MRC1: variants seen among roughly 807,000 people sequenced by gnomAD.
The protein encoded by MRC1 is macrophage mannose receptor 1.
MRC1 carries 62 observed loss-of-function variants against 102.9 expected under a neutral mutation model. That is an observed-to-expected ratio of 0.60 (90% CI 0.49 to 0.74). The LOEUF (loss-of-function observed/expected upper bound fraction) is 0.74, where lower values mean the gene tolerates loss of function less well. Among genes scored for constraint, MRC1 ranks in the 30% least tolerant of loss-of-function variants. The pLI is 0.00. For missense variants in MRC1, 1,237 were observed against 862.8 expected (o/e 1.43, Z -5.43); for synonymous variants, 457 against 298.4 (o/e 1.53, Z -5.48).
chr10:17,864,416 C>T (rs1386584422), intron 11 of MRC1, among the ~76,000 whole-genome samples: 2 of 152,144 alleles, frequency 1.3e-5, no homozygotes, highest in African/African-American at 4.8e-5. Flanking sequence ...GGACATTGCT[C>T]ATGCGGAACT....
At chr10:17,903,409 T>TTTTTTTTTTTTTTTTTTTTTTTTTTTC in intron 26 of MRC1, among the ~76,000 whole-genome samples, 1 of 143,194 alleles carries the variant, frequency 7.0e-6, no homozygotes, top group Admixed American at 7.0e-5. Flanking sequence ...TTTTTTTTTT[T>TTTTTTTTTTTTTTTTTTTTTTTTTTTC]TTTTGAGACA....
intron 17 of MRC1, among the ~76,000 whole-genome samples, chr10:17,876,054 A>G (rs1281994837): frequency 6.6e-6 from 1 of 152,150 alleles, no homozygotes; most frequent in Non-Finnish European, 1.5e-5. Context: ...TCATTGATTT[A>G]AGGATGGAAC....
chr10:17,854,565 G>A (rs1833049742), intron 8 of MRC1, among the ~76,000 whole-genome samples: 1 of 151,848 alleles, frequency 6.6e-6, no homozygotes, highest in Non-Finnish European at 1.5e-5. Context: ...GTCTCGGAGG[G>A]GTAAAACCAA....
chr10:17,847,302 GTGC>G (rs1838840548), intron 6 of MRC1, among the ~76,000 whole-genome samples: 1 of 152,132 alleles, frequency 6.6e-6, no homozygotes, highest in Admixed American at 6.5e-5. Context: ...TAACCTGCCG[GTGC>G]TGGGATCCTC....
At chr10:17,816,436 G>A (rs1838313810) in intron 1 of MRC1, among the ~76,000 whole-genome samples, 1 of 152,154 alleles carries the variant, frequency 6.6e-6, no homozygotes, top group South Asian at 2.1e-4. Flanking sequence ...AGCTCTGGGC[G>A]ACGGTGTGGA....
At chr10:17,858,081 G>A (rs1443830637) in intron 9 of MRC1, among the ~76,000 whole-genome samples, 2 of 152,114 alleles carry the variant, frequency 1.3e-5, no homozygotes, top group African/African-American at 4.8e-5. Context: ...AAAATAAAAT[G>A]TGTTTTAAAA....
Position 17,852,930 on chromosome 10 carries a change from C to A in MRC1, c.1250-37C>A, listed in dbSNP as rs1838938625. On this transcript the variant is annotated intron_variant, in intron 7 of 29. Coordinates refer to ENST00000569591, the MANE Select transcript of MRC1 (RefSeq NM_002438.4). ...TTACCCCCCGACCTTTGGAAAGCAA[C>A]CCTTGTATATACCACTGTGTGTTTC... 2.0e-5 allele frequency: 16 copies of A among 780,628 alleles called. No individual in the cohort carries two copies. The South Asian group carries it at 2.1e-4, about 10-fold the overall frequency. 48.4% of individuals were successfully genotyped at this position (780,628 alleles called of 1,614,324 possible). A position where few individuals can be genotyped will look rare whatever the true frequency, so the allele number is the denominator to read the frequency against.
intron 4 of MRC1, among the ~76,000 whole-genome samples, chr10:17,840,088 G>A (rs992622721): frequency 6.9e-6 from 1 of 145,480 alleles, no homozygotes; most frequent in Admixed American, 6.8e-5. Context: ...AAAAAAGAGC[G>A]GTAATAATAG....
intron 17 of MRC1, among the ~76,000 whole-genome samples, chr10:17,877,045 A>G (rs1318954197): frequency 1.3e-5 from 2 of 150,862 alleles, no homozygotes; most frequent in African/African-American, 4.9e-5. Context: ...AACTCTCAAG[A>G]TGTTTTCTAA....
At chr10:17,851,588 C>A (rs1050133834) in intron 7 of MRC1, among the ~76,000 whole-genome samples, 36 of 152,210 alleles carry the variant, frequency 2.4e-4, no homozygotes, top group African/African-American at 8.4e-4. Flanking sequence ...ATTGAAGAAG[C>A]TATGGGGGAG....
In MRC1 at chr10:17,901,931, A is replaced by C. The variant is rs1165986823; in HGVS notation, c.3650-42A>C. 1.3e-5 allele frequency: 10 copies of C among 780,640 alleles called. No homozygotes were observed. In the Admixed American group the frequency reaches 1.7e-4, roughly 13 times the overall value. The allele number at this position is 780,640 out of a possible 1,614,324, so 48.4% of individuals were successfully genotyped here. A position where few individuals can be genotyped will look rare whatever the true frequency, so the allele number is the denominator to read the frequency against. ...ATGTATGATGCTACACACTACAGAA[A>C]CTTCAGGTTTTGCTTTATTTAAAAT... On this transcript the variant is annotated intron_variant, in intron 25 of 29. Transcript: ENST00000569591.
At chr10:17,903,148 A>G (rs1833851013) in intron 26 of MRC1, among the ~76,000 whole-genome samples, 1 of 152,088 alleles carries the variant, frequency 6.6e-6, no homozygotes, top group African/African-American at 2.4e-5. Context: ...TTTAGACAGC[A>G]CATAGTTGGA....
At chr10:17,858,496 C>A (rs915714047) in intron 9 of MRC1, among the ~76,000 whole-genome samples, 1 of 151,326 alleles carries the variant, frequency 6.6e-6, no homozygotes, top group Non-Finnish European at 1.5e-5. Context: ...TGGTGTGATT[C>A]TTTTTTTTTG....
At chr10:17,862,254 A>G (rs1338162127) in intron 10 of MRC1, among the ~76,000 whole-genome samples, 1 of 152,214 alleles carries the variant, frequency 6.6e-6, no homozygotes, top group Non-Finnish European at 1.5e-5. Flanking sequence ...GAGAGATGTC[A>G]TAACATTTCA....
intron 8 of MRC1, among the ~76,000 whole-genome samples, chr10:17,855,474 G>A (rs1833073267): frequency 6.7e-6 from 1 of 149,448 alleles, no homozygotes. Flanking sequence ...AGGAGGCTGA[G>A]GCAGGAAAAT....
intron 28 of MRC1, among the ~76,000 whole-genome samples, chr10:17,908,273 T>G (rs971550176): frequency 7.2e-5 from 11 of 152,268 alleles, no homozygotes; most frequent in Admixed American, 1.3e-4. Flanking sequence ...TAATAGAGGT[T>G]TTTTGTTTGT....
intron 2 of MRC1, among the ~76,000 whole-genome samples, chr10:17,825,892 C>T (rs1040491912): frequency 1.3e-5 from 2 of 152,244 alleles, no homozygotes; most frequent in South Asian, 4.1e-4. Context: ...AAGAATGGCG[C>T]AATTATTTCT....
intron 7 of MRC1, among the ~76,000 whole-genome samples, chr10:17,851,185 T>A (rs1198000591): frequency 6.6e-6 from 1 of 152,208 alleles, no homozygotes; most frequent in Admixed American, 6.5e-5. Flanking sequence ...AAAAACCTGA[T>A]ATTTTTATTG....
intron 1 of MRC1, among the ~76,000 whole-genome samples, chr10:17,813,914 G>T (rs1417708581): frequency 6.6e-6 from 1 of 151,850 alleles, no homozygotes; most frequent in Non-Finnish European, 1.5e-5. Context: ...GTCCAGGCTG[G>T]TCTCAAACTC....
Sources: allele counts gnomAD v4.1 joint callset (sites outside exome capture counted in the v4.1 genomes callset), GRCh38; gene constraint gnomAD v4.1.1; transcripts MANE v1.5; gene names NCBI Gene and HGNC (gene_info 2026-07-23, HGNC 2026-07-21).